Variants in DOCK8 observed in about 807,000 individuals in gnomAD.
The protein encoded by DOCK8 is dedicator of cytokinesis 8, also known as dedicator of cytokinesis protein 8.
A neutral mutation model predicts 245.6 loss-of-function variants in DOCK8; 141 were observed. That is an observed-to-expected ratio of 0.57 (90% CI 0.50 to 0.66). DOCK8 has a LOEUF of 0.66. DOCK8 is among the 30% of genes least tolerant of loss of function. DOCK8 has a pLI of 0.00. For synonymous variants in DOCK8, 1,168 were observed against 970.2 expected, an observed-to-expected ratio of 1.20 and a Z score of -3.79; for missense variants, 2,965 against 2,603.4, an observed-to-expected ratio of 1.14 and a Z score of -3.02.
At chr9:296,331 A>C (rs974514967) in intron 4 of DOCK8, among the ~76,000 whole-genome samples, 1 of 152,190 alleles carries the variant, frequency 6.6e-6, no homozygotes, top group Admixed American at 6.5e-5. Flanking sequence ...AAGAGGGATA[A>C]ACTTCAGAAT....
At chr9:335,963 C>G (rs575335612) in intron 11 of DOCK8, among the ~76,000 whole-genome samples, 2 of 152,094 alleles carry the variant, frequency 1.3e-5, no homozygotes, top group African/African-American at 4.8e-5. Flanking sequence ...AACAAGATCT[C>G]CACCCAAATC....
intron 43 of DOCK8, 31 bp downstream of exon 43, chr9:443,547 A>C (rs764703432): frequency 3.2e-6 from 5 of 1,554,238 alleles, no homozygotes; most frequent in South Asian, 1.1e-5. Context: ...ACTAACCATC[A>C]AGCTCTAAAT....
chr9:306,973 C>G (rs1043197976), intron 5 of DOCK8, among the ~76,000 whole-genome samples: 4 of 152,074 alleles, frequency 2.6e-5, no homozygotes, highest in African/African-American at 9.7e-5. Context: ...GAGAAATTGC[C>G]CGGCTGGTGC....
At chr9:222,667 ATTTC>A (rs1393695796) in intron 1 of DOCK8, among the ~76,000 whole-genome samples, 1 of 152,158 alleles carries the variant, frequency 6.6e-6, no homozygotes. Flanking sequence ...ATAGTCATGC[ATTTC>A]TCCTTTTTTC....
chr9:400,127 T>C (rs113294755), intron 26 of DOCK8, among the ~76,000 whole-genome samples: 102 of 18,592 alleles, frequency 5.5e-3, no homozygotes, highest in East Asian at 0.011. Context: ...ACCAGCATCT[T>C]CACCATCACC....
At chr9:342,976 C>G (rs2130946483) in intron 14 of DOCK8, among the ~76,000 whole-genome samples, 1 of 152,268 alleles carries the variant, frequency 6.6e-6, no homozygotes, top group East Asian at 1.9e-4. Context: ...ACAAGTAATA[C>G]ACATTTCAGT....
chr9:302,069 C>T (rs77473259), intron 4 of DOCK8, among the ~76,000 whole-genome samples: 3,333 of 152,094 alleles, frequency 0.022, 51 homozygotes, highest in African/African-American at 0.036. Flanking sequence ...AGAACAAAGC[C>T]GGTGGCATCA....
At chr9:284,062 T>G (rs2048707818) in intron 2 of DOCK8, among the ~76,000 whole-genome samples, 1 of 152,218 alleles carries the variant, frequency 6.6e-6, no homozygotes, top group African/African-American at 2.4e-5. Flanking sequence ...AACTTTATAG[T>G]AATGAGGTTG....
intron 1 of DOCK8, among the ~76,000 whole-genome samples, chr9:226,900 T>C (rs566207440): frequency 2.1e-4 from 32 of 152,316 alleles, no homozygotes; most frequent in African/African-American, 7.0e-4. Context: ...AATATTGATA[T>C]GATTTTGATA....
intron 1 of DOCK8, among the ~76,000 whole-genome samples, chr9:263,260 G>A (rs2047962098): frequency 6.6e-6 from 1 of 151,190 alleles, no homozygotes; most frequent in South Asian, 2.1e-4. Context: ...CAATCCTACT[G>A]TAGGTTTTTT....
intron 14 of DOCK8, among the ~76,000 whole-genome samples, chr9:342,805 G>T (rs938465549): frequency 6.6e-6 from 1 of 152,100 alleles, no homozygotes; most frequent in Non-Finnish European, 1.5e-5. Context: ...ATTCCTTTGT[G>T]AAGAGGCCAT....
chr9:403,994 G>C (rs373054483), intron 26 of DOCK8, among the ~76,000 whole-genome samples: 759 of 70,352 alleles, frequency 0.011, 10 homozygotes, highest in African/African-American at 0.034. Flanking sequence ...ATATATATGT[G>C]TATATATATA....
intron 2 of DOCK8, among the ~76,000 whole-genome samples, chr9:283,399 CT>C (rs970825529): frequency 4.6e-5 from 7 of 152,222 alleles, no homozygotes; most frequent in African/African-American, 9.6e-5. Flanking sequence ...ACACACAATA[CT>C]TTTTTTTATT....
At chr9:259,890 T>C (rs181726510) in intron 1 of DOCK8, among the ~76,000 whole-genome samples, 2 of 152,378 alleles carry the variant, frequency 1.3e-5, no homozygotes, top group East Asian at 1.9e-4. Context: ...TCATGAAAGA[T>C]GTGTGAAAGC....
At chr9:266,793 G>GA (rs1563853589) in intron 1 of DOCK8, among the ~76,000 whole-genome samples, 21 of 152,274 alleles carry the variant, frequency 1.4e-4, no homozygotes, top group Non-Finnish European at 2.6e-4. Context: ...GGAGAATAAA[G>GA]AGGATAATAT....
intron 23 of DOCK8, among the ~76,000 whole-genome samples, chr9:387,330 C>G (rs2053997629): frequency 6.6e-6 from 1 of 151,840 alleles, no homozygotes; most frequent in African/African-American, 2.4e-5. Flanking sequence ...GTAATCTCAG[C>G]TACTCAGGAG....
chr9:390,055 C>T (rs1206383018), intron 23 of DOCK8, among the ~76,000 whole-genome samples: 1 of 151,198 alleles, frequency 6.6e-6, no homozygotes, highest in Admixed American at 6.6e-5. Context: ...CTGCCACCAA[C>T]CAACTGATTT....
chr9:270,472 G>A (rs368657725), intron 1 of DOCK8, among the ~76,000 whole-genome samples: 3 of 152,200 alleles, frequency 2.0e-5, no homozygotes, highest in African/African-American at 7.2e-5. Context: ...TGCTCCTGAG[G>A]GAGAATAGAT....
chr9:440,068 G>T (rs551119845), intron 40 of DOCK8, among the ~76,000 whole-genome samples: 1 of 152,112 alleles, frequency 6.6e-6, no homozygotes, highest in East Asian at 1.9e-4. Flanking sequence ...GCCCAGGCTG[G>T]AATGCAGTGG....
Sources: gnomAD v4.1 joint callset for allele counts (sites outside exome capture counted in the v4.1 genomes callset) on GRCh38, gnomAD v4.1.1 for gene constraint, MANE v1.5 for transcripts, NCBI Gene and HGNC (gene_info 2026-07-23, HGNC 2026-07-21) for gene names.